ANO4: variants seen among roughly 807,000 people sequenced by gnomAD.
ANO4 encodes anoctamin-4.
In ANO4, 69 loss-of-function variants were observed where a neutral mutation model predicts 141.9. That is an observed-to-expected ratio of 0.49 (90% CI 0.40 to 0.59). ANO4 has a LOEUF of 0.59. Among genes scored for constraint, ANO4 ranks in the 20% least tolerant of loss-of-function variants. The pLI is 0.00. For synonymous variants in ANO4, 350 were observed against 394.3 expected, an observed-to-expected ratio of 0.89 and a Z score of 1.33; for missense variants, 894 against 1,162.2, an observed-to-expected ratio of 0.77 and a Z score of 3.36.
chr12:100,952,318 C>T (rs1286849890), intron 5 of ANO4, among the ~76,000 whole-genome samples: 2 of 152,104 alleles, frequency 1.3e-5, no homozygotes, highest in Admixed American at 6.5e-5. Flanking sequence ...TTGTTAAGTG[C>T]CAGATAATTC....
intron 14 of ANO4, among the ~76,000 whole-genome samples, chr12:101,076,679 G>C (rs554721846): frequency 1.6e-4 from 25 of 152,306 alleles, no homozygotes; most frequent in African/African-American, 6.0e-4. Flanking sequence ...ATGGCCTGAG[G>C]CTGTCCCAGA....
At chr12:100,882,810 C>T (rs1362022950) in intron 1 of ANO4, among the ~76,000 whole-genome samples, 2 of 152,074 alleles carry the variant, frequency 1.3e-5, no homozygotes, top group Non-Finnish European at 2.9e-5. Flanking sequence ...GCAGTTCTCC[C>T]TTCCTCAGCC....
At chr12:100,742,797 G>A (rs1004074007) in intron 3 of ANO4, among the ~76,000 whole-genome samples, 5 of 152,116 alleles carry the variant, frequency 3.3e-5, no homozygotes, top group Non-Finnish European at 5.9e-5. Flanking sequence ...GTTCGCTATT[G>A]TCACCATCCT....
intron 4 of ANO4, among the ~76,000 whole-genome samples, chr12:100,940,878 C>T (rs1430409651): frequency 6.6e-6 from 1 of 152,188 alleles, no homozygotes; most frequent in Admixed American, 6.5e-5. Context: ...GCCCGAAGAG[C>T]CTGGATGAAA....
chr12:100,971,429 C>T (rs754876527), intron 6 of ANO4, 23 bp downstream of exon 6: 1 of 1,472,042 alleles, frequency 6.8e-7, no homozygotes, highest in Non-Finnish European at 9.5e-7. Flanking sequence ...GTATTTTATT[C>T]CACTCTCTCT....
intron 26 of ANO4, among the ~76,000 whole-genome samples, chr12:101,120,829 G>A (rs113867857): frequency 6.6e-6 from 1 of 152,196 alleles, no homozygotes; most frequent in African/African-American, 2.4e-5. Context: ...GTCCATAGTT[G>A]GTTTTTAATG....
At chr12:101,052,381 C>T (rs767524986) in intron 14 of ANO4, among the ~76,000 whole-genome samples, 5 of 152,040 alleles carry the variant, frequency 3.3e-5, no homozygotes, top group Non-Finnish European at 5.9e-5. Flanking sequence ...ACTCCTCTCC[C>T]GAGGGAAAAA....
chr12:100,849,044 C>A (rs975161958), intron 1 of ANO4, among the ~76,000 whole-genome samples: 1 of 152,166 alleles, frequency 6.6e-6, no homozygotes, highest in Non-Finnish European at 1.5e-5. Flanking sequence ...AGGCCTCGTG[C>A]ACGTGTTAGC....
At chr12:100,821,190 A>G (rs925217250) in intron 1 of ANO4, among the ~76,000 whole-genome samples, 1 of 152,040 alleles carries the variant, frequency 6.6e-6, no homozygotes, top group African/African-American at 2.4e-5. Context: ...CAGTTGCCAT[A>G]TGGTACCCTA....
At chr12:100,800,285 T>C (rs540460397) in intron 1 of ANO4, among the ~76,000 whole-genome samples, 116 of 152,316 alleles carry the variant, frequency 7.6e-4, no homozygotes, top group African/African-American at 2.7e-3. Flanking sequence ...GCACCTATTG[T>C]GTCCACCCTA....
chr12:100,987,222 G>T (rs564100474), intron 7 of ANO4: 1 of 236,114 alleles, frequency 4.2e-6, no homozygotes, highest in South Asian at 7.3e-5. Context: ...TTGCTTAAGG[G>T]ACTGTTGGAA....
At chr12:101,032,891 C>CTTG (rs2047033985) in intron 9 of ANO4, among the ~76,000 whole-genome samples, 2 of 150,288 alleles carry the variant, frequency 1.3e-5, no homozygotes, top group African/African-American at 4.9e-5. Context: ...TAGTTCAACC[C>CTTG]TTGTGGAAGT....
intron 13 of ANO4, chr12:101,048,079 A>T (rs1216360075): frequency 7.6e-6 from 9 of 1,187,420 alleles, no homozygotes; most frequent in Non-Finnish European, 9.6e-6. Flanking sequence ...GATTCTTAGT[A>T]GCACTATTGG....
chr12:100,814,419 A>G (rs1164029107), intron 1 of ANO4, among the ~76,000 whole-genome samples: 1 of 152,166 alleles, frequency 6.6e-6, no homozygotes, highest in Non-Finnish European at 1.5e-5. Context: ...CTACAAGTTC[A>G]TATGACAACA....
At chr12:100,848,749 C>A (rs534328591) in intron 1 of ANO4, among the ~76,000 whole-genome samples, 3 of 152,240 alleles carry the variant, frequency 2.0e-5, no homozygotes, top group African/African-American at 2.4e-5. Context: ...ATTTTCTTAA[C>A]TTTTGGACAT....
chr12:100,960,351 A>G (rs889536204), intron 5 of ANO4, among the ~76,000 whole-genome samples: 2 of 152,216 alleles, frequency 1.3e-5, no homozygotes, highest in African/African-American at 2.4e-5. Context: ...GGTATAACCT[A>G]TCAGATTTCT....
chr12:101,066,091 T>G (rs995333421), intron 14 of ANO4, among the ~76,000 whole-genome samples: 3 of 152,154 alleles, frequency 2.0e-5, no homozygotes, highest in Non-Finnish European at 4.4e-5. Context: ...CTCAAAAAAC[T>G]GGGTGTAGAA....
chr12:100,837,853 C>T (rs551219300), intron 1 of ANO4, among the ~76,000 whole-genome samples: 85 of 151,892 alleles, frequency 5.6e-4, no homozygotes, highest in African/African-American at 2.0e-3. Context: ...TTTAGATTTT[C>T]AAGTCAGCAT....
intron 3 of ANO4, among the ~76,000 whole-genome samples, chr12:100,759,267 T>G (rs944569406): frequency 4.6e-5 from 7 of 152,230 alleles, no homozygotes; most frequent in African/African-American, 1.7e-4. Flanking sequence ...GTGAGAATGT[T>G]GCTTTCCTTT....
Sources: allele counts gnomAD v4.1 joint callset (sites outside exome capture counted in the v4.1 genomes callset), GRCh38; gene constraint gnomAD v4.1.1; transcripts MANE v1.5; gene names NCBI Gene and HGNC (gene_info 2026-07-23, HGNC 2026-07-21).